The following CSN1S1 variants were observed in gnomAD, a reference collection of about 807,000 sequenced individuals.
CSN1S1 encodes the protein casein alpha s1.
In CSN1S1, 63 loss-of-function variants were observed where a neutral mutation model predicts 49.1. The ratio of observed to expected loss-of-function variants is 1.28; its 90% CI spans 1.05 to 1.58. The LOEUF (loss-of-function observed/expected upper bound fraction) is 1.58, where lower values mean the gene tolerates loss of function less well. Ranked by LOEUF, CSN1S1 falls within the 40% of genes most tolerant of loss-of-function variation. The pLI is 0.00. For synonymous variants in CSN1S1, 78 were observed against 67.1 expected, an observed-to-expected ratio of 1.16 and a Z score of -0.79; for missense variants, 260 against 224.7, an observed-to-expected ratio of 1.16 and a Z score of -1.01.
chr4:69,934,166 A>G, intron 2 of CSN1S1, 46 bp from the exon 3 acceptor site: 1 of 1,455,566 alleles, frequency 6.9e-7, no homozygotes, highest in South Asian at 1.1e-5. Context: ...TGTTATTGTC[A>G]TTTTAGTTAC....
chr4:69,935,995 G>A, intron 5 of CSN1S1, 46 bp downstream of exon 5: 1 of 1,437,634 alleles, frequency 7.0e-7, no homozygotes. Context: ...ACAAAGAGAA[G>A]TAAGTGTTAA....
chr4:69,934,807 T>C, intron 4 of CSN1S1, 97 bp downstream of exon 4: 1 of 1,121,544 alleles, frequency 8.9e-7, no homozygotes, highest in Non-Finnish European at 1.3e-6. Context: ...TTACAATTTT[T>C]ATTTCCCTTC....
At chr4:69,945,851 T>TGTG (rs1560392658) in intron 15 of CSN1S1, among the ~76,000 whole-genome samples, 39 of 84,852 alleles carry the variant, frequency 4.6e-4, no homozygotes, top group Admixed American at 3.2e-3. Flanking sequence ...AATTGTGTGT[T>TGTG]TGTGTGTGTG....
In CSN1S1 at chr4:69,944,939, T is replaced by A. The variant is rs1261770127; in HGVS notation, c.492T>A (p.Phe164Leu). The A allele has an allele frequency of 1.9e-6, 3 of 1,613,006 alleles. No homozygotes were observed. The highest frequency in any genetic ancestry group is 2.2e-5 in the South Asian group (2 of 91,066). The change falls in exon 15 of 16, where the codon TTT (phenylalanine) becomes TTA (leucine). Residue 164 changes from phenylalanine to leucine, a missense_variant. By Grantham distance (22) the Phe-to-Leu change is conservative. Transcript: ENST00000246891. ...TGCAGTATGTTCCTTTCCCACCGTT[T>A]TCCGACATCTCCAATCCCACTGCTC... ...QIMQYVPFPP[F>L]SDISNPTAHE...
At chr4:69,934,943 G>A (rs528160020) in intron 4 of CSN1S1, among the ~76,000 whole-genome samples, 1 of 152,202 alleles carries the variant, frequency 6.6e-6, no homozygotes, top group East Asian at 1.9e-4. Context: ...GGTGAAGAAG[G>A]AACTAATTAA....
intron 2 of CSN1S1, 113 bp downstream of exon 2, chr4:69,932,719 A>G (rs1381181148): frequency 3.2e-6 from 3 of 939,594 alleles, no homozygotes; most frequent in Non-Finnish European, 5.0e-6. Context: ...ATGATCTCTA[A>G]TTGGCCTCTG....
intron 14 of CSN1S1, 139 bp downstream of exon 14, chr4:69,942,716 G>T: frequency 1.5e-6 from 1 of 665,822 alleles, no homozygotes; most frequent in Non-Finnish European, 2.6e-6. Flanking sequence ...TCTCAGTTCT[G>T]ACAACTTCTA....
chr4:69,944,197 A>G (rs565706734), intron 14 of CSN1S1, among the ~76,000 whole-genome samples: 19 of 152,156 alleles, frequency 1.2e-4, no homozygotes, highest in African/African-American at 4.3e-4. Context: ...TTCCACCTGA[A>G]TATGTAGAGA....
chr4:69,945,054 A>AT lies in CSN1S1; in HGVS notation c.557+51dup. On this transcript the variant is annotated intron_variant, in intron 15 of 15. Coordinates refer to ENST00000246891, the MANE Select transcript of CSN1S1 (RefSeq NM_001890.2). ...CTTGATGTTCTACCAAAGGAATGAA[A>AT]TAGAATAGCTTGGAGAGGATACCAT... is the stretch of plus-strand genomic sequence containing the variant. 1.9e-6 allele frequency: 3 copies of AT among 1,588,034 alleles called. No individual in the cohort carries two copies. In the South Asian group the frequency reaches 3.3e-5, roughly 18 times the overall value.
At chr4:69,939,082 C>T (rs1053280514) in intron 9 of CSN1S1, 94 bp from the exon 10 acceptor site, 52 of 850,754 alleles carry the variant, frequency 6.1e-5, no homozygotes, top group Non-Finnish European at 8.9e-5. Flanking sequence ...ATAATGTTAC[C>T]ATGGTAAGCA....
chr4:69,937,402 A>T (rs1299868996), intron 8 of CSN1S1, among the ~76,000 whole-genome samples: 1 of 148,090 alleles, frequency 6.8e-6, no homozygotes, highest in African/African-American at 2.5e-5. Flanking sequence ...TAGATGGAGC[A>T]AGTTCTTTTG....
At chr4:69,944,790 C>G in intron 14 of CSN1S1, 60 bp from the exon 15 acceptor site, 1 of 1,529,952 alleles carries the variant, frequency 6.5e-7, no homozygotes, top group East Asian at 2.3e-5. Context: ...TGATATTTTT[C>G]AGGGACTGAA....
rs1279075328 is a variant in CSN1S1, at chr4:69,939,224, A to G, written c.276+16A>G. ...ATCGAGTGAGGTAAATAATTTTGAT[A>G]TTAATTCTGTGTCCCAACTAATTTA... On this transcript the variant is annotated intron_variant, in intron 10 of 15. Coordinates refer to ENST00000246891, the MANE Select transcript of CSN1S1 (RefSeq NM_001890.2). 6.3e-7 allele frequency: 1 copy of G among 1,576,972 alleles called. No homozygotes were observed. The highest frequency in any genetic ancestry group is 8.7e-7 in the Non-Finnish European group (1 of 1,151,824).
At chr4:69,942,478 TA>T (rs1341672904) in intron 13 of CSN1S1, 57 bp from the exon 14 acceptor site, 13 of 1,297,524 alleles carry the variant, frequency 1.0e-5, no homozygotes, top group Non-Finnish European at 1.4e-5. Context: ...CAATGTAAGA[TA>T]AATGTGTTGT....
At chr4:69,937,853 C>A in intron 9 of CSN1S1, 30 bp downstream of exon 9, 1 of 1,538,544 alleles carries the variant, frequency 6.5e-7, no homozygotes, top group Non-Finnish European at 8.8e-7. Flanking sequence ...GTGAACTCTA[C>A]ACTTACGTAT....
chr4:69,938,049 G>A (rs1231597750), intron 9 of CSN1S1, among the ~76,000 whole-genome samples: 1 of 151,782 alleles, frequency 6.6e-6, no homozygotes. Context: ...GCTAGATAAA[G>A]TTGAAATTGG....
At chr4:69,936,756 C>T (rs985505761) in intron 7 of CSN1S1, 149 bp downstream of exon 7, 14 of 685,306 alleles carry the variant, frequency 2.0e-5, no homozygotes, top group Non-Finnish European at 2.9e-5. Flanking sequence ...CTAATGGAGT[C>T]TGCTGAGAAT....
chr4:69,933,232 T>C (rs2109711990), intron 2 of CSN1S1, among the ~76,000 whole-genome samples: 1 of 152,116 alleles, frequency 6.6e-6, no homozygotes, highest in East Asian at 1.9e-4. Context: ...ATTAGATAAG[T>C]ATGTGAACCA....
chr4:69,944,813 T>C (rs370960733), intron 14 of CSN1S1, 37 bp from the exon 15 acceptor site: 57 of 1,607,130 alleles, frequency 3.5e-5, no homozygotes, highest in Non-Finnish European at 4.6e-5. Context: ...AAGCAATTGC[T>C]CATACACTGT....
Sources: allele counts gnomAD v4.1 joint callset (sites outside exome capture counted in the v4.1 genomes callset), GRCh38; gene constraint gnomAD v4.1.1; transcripts MANE v1.5; gene names NCBI Gene and HGNC (gene_info 2026-07-23, HGNC 2026-07-21).